TBC1D30: variants seen among roughly 807,000 people sequenced by gnomAD.
TBC1D30 encodes TBC1 domain family, member 30.
In TBC1D30, 31 loss-of-function variants were observed where a neutral mutation model predicts 63.2. The observed-to-expected ratio is 0.49, with a 90% CI of 0.37 to 0.66. The LOEUF is 0.66. TBC1D30 is among the 30% of genes least tolerant of loss of function. The probability of loss-of-function intolerance (pLI) is 0.00; values close to 1 mark genes in which losing one functional copy is unlikely to be tolerated. For missense variants in TBC1D30, 810 were observed against 953.6 expected, an observed-to-expected ratio of 0.85 and a Z score of 1.98; for synonymous variants, 307 against 361.5, an observed-to-expected ratio of 0.85 and a Z score of 1.71.
upstream of TBC1D30, among the ~76,000 whole-genome samples, chr12:64,823,882 C>T (rs1267089088): frequency 6.6e-6 from 1 of 152,150 alleles, no homozygotes; most frequent in Non-Finnish European, 1.5e-5. Flanking sequence ...CTCAGTTTTC[C>T]ATTCTTGTCT....
intron 8 of TBC1D30, among the ~76,000 whole-genome samples, chr12:64,849,697 C>CG (rs1424465624): frequency 1.3e-5 from 2 of 152,030 alleles, no homozygotes; most frequent in Admixed American, 1.3e-4. Flanking sequence ...AGTTTGAAGT[C>CG]GGGGTAGTGT....
chr12:64,858,637 A>C (rs1252204111), intron 8 of TBC1D30, among the ~76,000 whole-genome samples: 1 of 152,208 alleles, frequency 6.6e-6, no homozygotes, highest in Non-Finnish European at 1.5e-5. Flanking sequence ...TGCTTTGGTC[A>C]TTTCCTTGCT....
intron 1 of TBC1D30, among the ~76,000 whole-genome samples, chr12:64,762,508 C>T (rs915698413): frequency 2.6e-5 from 4 of 151,886 alleles, no homozygotes; most frequent in Non-Finnish European, 4.4e-5. Flanking sequence ...GTGCATTTGG[C>T]GAGTGGAGGC....
chr12:64,838,588 C>T, intron 6 of TBC1D30, 95 bp from the exon 7 acceptor site: 1 of 1,240,974 alleles, frequency 8.1e-7, no homozygotes, highest in Admixed American at 2.7e-5. Context: ...GGAAATACAA[C>T]AAATTTGAGT....
At chr12:64,856,059 G>A (rs1420682521) in intron 8 of TBC1D30, among the ~76,000 whole-genome samples, 3 of 151,968 alleles carry the variant, frequency 2.0e-5, no homozygotes, top group Admixed American at 2.0e-4. Flanking sequence ...CATGACCCTG[G>A]CATCTGCTTG....
At chr12:64,797,107 T>A (rs1872326886) in intron 2 of TBC1D30, among the ~76,000 whole-genome samples, 1 of 149,856 alleles carries the variant, frequency 6.7e-6, no homozygotes, top group Admixed American at 6.7e-5. Flanking sequence ...TTGAAAAATT[T>A]AAAAAGGCTA....
At chr12:64,777,092 T>C (rs1012586539), upstream of TBC1D30, among the ~76,000 whole-genome samples, 1 of 152,342 alleles carries the variant, frequency 6.6e-6, no homozygotes, top group East Asian at 1.9e-4. Context: ...AAACTAGGTA[T>C]TGAAGTAACA....
chr12:64,795,260 G>A (rs1872183571), intron 2 of TBC1D30, among the ~76,000 whole-genome samples: 1 of 152,174 alleles, frequency 6.6e-6, no homozygotes, highest in Non-Finnish European at 1.5e-5. Flanking sequence ...TGCTCGAAGG[G>A]TGAAGGTCTG....
chr12:64,770,451 A>G (rs1179898492), intron 1 of TBC1D30, among the ~76,000 whole-genome samples: 1 of 152,220 alleles, frequency 6.6e-6, no homozygotes, highest in Non-Finnish European at 1.5e-5. Context: ...GGCTTTATGC[A>G]GAATCCCTTT....
intron 8 of TBC1D30, among the ~76,000 whole-genome samples, chr12:64,862,697 C>T (rs924029081): frequency 6.6e-6 from 1 of 152,180 alleles, no homozygotes; most frequent in Non-Finnish European, 1.5e-5. Flanking sequence ...CATCTTATTT[C>T]ACTTGTAAGG....
At chr12:64,831,386 A>G (rs1335413411) in intron 4 of TBC1D30, among the ~76,000 whole-genome samples, 1 of 152,266 alleles carries the variant, frequency 6.6e-6, no homozygotes, top group Non-Finnish European at 1.5e-5. Context: ...GAGATGAAGT[A>G]TCTCATATTT....
Position 64,761,785 on chromosome 12 carries a change from T to A in TBC1D30, c.-376+2136T>A, listed in dbSNP as rs150018165. ...GCCTATGGAGTAGCCATTCTTTTATTCCTCTACTTTCTTAATAAACTTTCT... is the reference window on the plus strand; with the variant it reads ...GCCTATGGAGTAGCCATTCTTTTATACCTCTACTTTCTTAATAAACTTTCT... On this transcript the variant is annotated intron_variant, in intron 1 of 13. Transcript: ENST00000674237. Among the ~76,000 whole-genome samples the A allele has an allele frequency of 3.5e-3, 527 of 152,308 alleles. 8 individuals carry two copies. The East Asian group carries it at 0.064, about 19-fold the overall frequency.
intron 8 of TBC1D30, among the ~76,000 whole-genome samples, chr12:64,857,776 A>G (rs1877433685): frequency 6.6e-6 from 1 of 152,250 alleles, no homozygotes; most frequent in Non-Finnish European, 1.5e-5. Flanking sequence ...TCCAACAGCT[A>G]GATGGGCGAT....
chr12:64,826,236 T>C (rs1182755689), intron 1 of TBC1D30, among the ~76,000 whole-genome samples: 1 of 152,220 alleles, frequency 6.6e-6, no homozygotes, highest in African/African-American at 2.4e-5. Flanking sequence ...AGCTTTTGCA[T>C]GCAGGCGGCG....
chr12:64,817,185 T>G (rs1273392834), intron 2 of TBC1D30, among the ~76,000 whole-genome samples: 1 of 152,220 alleles, frequency 6.6e-6, no homozygotes, highest in Non-Finnish European at 1.5e-5. Flanking sequence ...GGTCAGAGTC[T>G]GGGTCCTGTG....
At chr12:64,830,630 T>G in intron 4 of TBC1D30, 128 bp downstream of exon 4, 1 of 882,320 alleles carries the variant, frequency 1.1e-6, no homozygotes, top group Non-Finnish European at 1.6e-6. Context: ...TTCTGCCTTC[T>G]CATTTCATTA....
At chr12:64,814,597 C>T (rs1873414006) in intron 2 of TBC1D30, among the ~76,000 whole-genome samples, 1 of 152,154 alleles carries the variant, frequency 6.6e-6, no homozygotes, top group Non-Finnish European at 1.5e-5. Flanking sequence ...GAGGAGCTTG[C>T]ATATCTGATT....
intron 8 of TBC1D30, among the ~76,000 whole-genome samples, chr12:64,850,257 T>C (rs1475790547): frequency 6.6e-6 from 1 of 152,192 alleles, no homozygotes; most frequent in Non-Finnish European, 1.5e-5. Context: ...ATTTGAATAC[T>C]GTTTATTTCT....
At chr12:64,765,741 A>G (rs1256978132) in intron 1 of TBC1D30, among the ~76,000 whole-genome samples, 1 of 150,488 alleles carries the variant, frequency 6.6e-6, no homozygotes, top group African/African-American at 2.5e-5. Flanking sequence ...CACACTTGTA[A>G]TCCCAGCACT....
Sources: allele counts gnomAD v4.1 joint callset (sites outside exome capture counted in the v4.1 genomes callset), GRCh38; gene constraint gnomAD v4.1.1; transcripts MANE v1.5; gene names NCBI Gene and HGNC (gene_info 2026-07-23, HGNC 2026-07-21).